Variants in HSPG2 observed in about 807,000 individuals in gnomAD.
HSPG2 encodes the protein basement membrane-specific heparan sulfate proteoglycan core protein.
HSPG2 carries 278 observed loss-of-function variants against 526.6 expected under a neutral mutation model. That is an observed-to-expected ratio of 0.53 (90% confidence interval 0.48 to 0.58). HSPG2 has a LOEUF of 0.58. Among genes scored for constraint, HSPG2 ranks in the 20% least tolerant of loss-of-function variants. HSPG2 has a pLI of 0.00. For synonymous variants in HSPG2, 2,465 were observed against 2,555.4 expected, an observed-to-expected ratio of 0.96 and a Z score of 1.07; for missense variants, 5,354 against 6,099.5, an observed-to-expected ratio of 0.88 and a Z score of 4.07.
intron 1 of HSPG2, among the ~76,000 whole-genome samples, chr1:21,916,240 G>A (rs1412133856): frequency 2.0e-5 from 3 of 152,004 alleles, no homozygotes; most frequent in African/African-American, 4.8e-5. Flanking sequence ...GGTGGCTCAC[G>A]CCTGTAATCC....
At chr1:21,832,379 G>A (rs559272303) in intron 81 of HSPG2, 116 bp downstream of exon 81, 144 of 857,556 alleles carry the variant, frequency 1.7e-4, no homozygotes, top group Non-Finnish European at 2.5e-4. Context: ...CAAGGGTAAC[G>A]GCCACATTTT....
rs548731627 is a variant in HSPG2 at position 21,838,942 on chromosome 1, C to T, written c.10033G>A (p.Ala3345Thr). The T allele has an allele frequency of 8.1e-6, 13 of 1,612,322 alleles. No homozygotes were observed. Among genetic ancestry groups the T allele is most frequent in the South Asian group, 2.2e-5 (2 of 91,044 alleles). Reference protein sequence around the residue: ...VGSSLPGRATARNELLHFERA... With the variant: ...VGSSLPGRATTRNELLHFERA... ...TCAAAGTGCAGCAGCTCGTTCCTGGCGGTCGCCCTCCCAGGAAGGCTGCTG... is the reference window on the plus strand; with the variant it reads ...TCAAAGTGCAGCAGCTCGTTCCTGGTGGTCGCCCTCCCAGGAAGGCTGCTG... The change falls in exon 74 of 97, where the codon GCC (alanine) becomes ACC (threonine). Residue 3345 changes from alanine to threonine, a missense_variant. Transcript: ENST00000374695.
At position 21,880,447 on chromosome 1, in the gene HSPG2, C is replaced by T. The variant is rs1371285782; in HGVS notation, c.2111G>A (p.Ser704Asn). ...IQTVYNTKMA[S>N]VGLSDIAMDT... Reference sequence around the variant, plus strand: ...CATGGCGATGTCGCTAAGTCCCACGCTGGCCATCTTGGTGTTGTACACGGT... The same window carrying T: ...CATGGCGATGTCGCTAAGTCCCACGTTGGCCATCTTGGTGTTGTACACGGT... The change falls in exon 16 of 97, where the codon AGC becomes AAC. Residue 704 changes from serine to asparagine, a missense_variant. Physicochemically the swap from Ser to Asn is conservative, Grantham distance 46. Transcript: ENST00000374695. 1 of 1,613,914 alleles carries T rather than the reference C, an allele frequency of 6.2e-7. No individual in the cohort carries two copies. The highest frequency in any genetic ancestry group is 2.2e-5 in the East Asian group (1 of 44,888).
At position 21,865,580 on chromosome 1, in the gene HSPG2, G is replaced by A. The variant is rs1003979370; in HGVS notation, c.4314+137C>T. On this transcript the variant is annotated intron_variant, in intron 34 of 96. Transcript: ENST00000374695. The surrounding 1 kb of genome is among the most constrained non-coding windows in gnomAD (Gnocchi z 5.4). ...GTAGTGTCCAACCAGGCAGGGATGT[G>A]GGGGCATGGGCCTAACTCCCCCAGC... 1.6e-5 allele frequency: 14 copies of A among 890,190 alleles called. No individual in the cohort carries two copies. Among genetic ancestry groups the A allele is most frequent in the Non-Finnish European group, 2.3e-5 (12 of 533,050 alleles). The allele number at this position is 890,190 out of a possible 1,614,324, so 55.1% of individuals were successfully genotyped here. A position where few individuals can be genotyped will look rare whatever the true frequency, so the allele number is the denominator to read the frequency against.
chr1:21,888,762 G>C (rs1161597758), intron 6 of HSPG2: 2 of 1,316,608 alleles, frequency 1.5e-6, no homozygotes, highest in Admixed American at 2.0e-5. Flanking sequence ...CCTGGGAGCC[G>C]GGAGCTGAGG....
chr1:21,889,627 G>A (rs899512969), intron 6 of HSPG2, among the ~76,000 whole-genome samples: 2 of 150,802 alleles, frequency 1.3e-5, no homozygotes, highest in South Asian at 2.1e-4. Context: ...AGACTGACCC[G>A]GAGGCTGGAA....
intron 39 of HSPG2, among the ~76,000 whole-genome samples, chr1:21,861,497 AAAG>A (rs201500196): frequency 0.014 from 683 of 48,036 alleles, no homozygotes; most frequent in Middle Eastern, 0.023. Flanking sequence ...AAAAAAAAAA[AAAG>A]AAAGAAAAAG....
At position 21,839,960 on chromosome 1, in the gene HSPG2, G is replaced by T. The variant is rs1258056816; in HGVS notation, c.9571C>A (p.Leu3191Ile). The T allele has an allele frequency of 6.2e-7, 1 of 1,614,044 alleles. No individual in the cohort carries two copies. Among genetic ancestry groups the T allele is most frequent in the African/African-American group, 1.3e-5 (1 of 74,926 alleles). ...TCCACCTGCTTCTGTGCTGTGCCTAGTGCATTCTGAGCAAGGCACACATAA... is the reference window on the plus strand; with the variant it reads ...TCCACCTGCTTCTGTGCTGTGCCTATTGCATTCTGAGCAAGGCACACATAA... ...GTYVCLAQNALGTAQKQVEVI... is the reference protein window; with the variant it reads ...GTYVCLAQNAIGTAQKQVEVI... The change falls in exon 72 of 97, where the codon CTA becomes ATA. Residue 3191 changes from leucine to isoleucine, a missense_variant. Coordinates refer to ENST00000374695, the MANE Select transcript of HSPG2 (RefSeq NM_005529.7). This position sits in a 1 kb window ranked among gnomAD's most constrained non-coding sequence, Gnocchi z 4.5.
intron 25 of HSPG2, 122 bp downstream of exon 25, chr1:21,875,505 TAC>T: frequency 1.3e-6 from 1 of 785,060 alleles, no homozygotes; most frequent in Non-Finnish European, 2.2e-6. Flanking sequence ...CTCTCCGTTT[TAC>T]AGACAGGGAA....
In HSPG2 at chr1:21,895,776, G is replaced by A. The variant is rs1642703742; in HGVS notation, c.244+146C>T. ...GACCTGCCAATCAGTCTGCACAACT[G>A]TCACTCAGCAGGTTAAGAGATCACA... On this transcript the variant is annotated intron_variant, in intron 3 of 96. Coordinates refer to ENST00000374695, the MANE Select transcript of HSPG2 (RefSeq NM_005529.7). This position sits in a 1 kb window ranked among gnomAD's most constrained non-coding sequence, Gnocchi z 4.1. 6.5e-6 allele frequency: 5 copies of A among 773,768 alleles called. No individual in the cohort carries two copies. 47.9% of individuals were successfully genotyped at this position (773,768 alleles called of 1,614,324 possible).
chr1:21,829,596 C>G lies in HSPG2; in HGVS notation c.11779G>C (p.Val3927Leu). The G allele has an allele frequency of 1.2e-6, 2 of 1,604,446 alleles. No homozygotes were observed. The highest frequency in any genetic ancestry group is 1.1e-5 in the South Asian group (1 of 90,658). ...SGLRCEEGVT[V>L]TTPSLSGAGS... is the part of the protein sequence containing the mutation. ...GCACCCGACAGCGAGGGGGTGGTCA[C>G]TGTCACACCTGCAGCAGCCACAGCT... The change falls in exon 87 of 97, where the codon GTG becomes CTG. Residue 3927 changes from valine to leucine, a missense_variant. Physicochemically the swap from Val to Leu is conservative, Grantham distance 32 (BLOSUM62 1). Coordinates refer to ENST00000374695, the MANE Select transcript of HSPG2 (RefSeq NM_005529.7).
Position 21,848,721 on chromosome 1 carries a change from G to A in HSPG2, c.7659C>T (p.Leu2553=). ...ASLANGHTLD[L]NCLVASQAPH... ...GAGCCTGGCTGGCAACCAGGCAGTTGAGGTCCAGGGTGTGTCCATTGGCCA... is the reference window on the plus strand; with the variant it reads ...GAGCCTGGCTGGCAACCAGGCAGTTAAGGTCCAGGGTGTGTCCATTGGCCA... Residue 2553 remains leucine, a synonymous_variant, in exon 59 of 97, where the codon CTC becomes CTT. Coordinates refer to ENST00000374695, the MANE Select transcript of HSPG2 (RefSeq NM_005529.7). This position sits in a 1 kb window ranked among gnomAD's most constrained non-coding sequence, Gnocchi z 4.9. 1.2e-6 allele frequency: 2 copies of A among 1,613,960 alleles called. No individual in the cohort carries two copies. The highest frequency in any genetic ancestry group is 1.7e-6 in the Non-Finnish European group (2 of 1,179,986).
intron 1 of HSPG2, among the ~76,000 whole-genome samples, chr1:21,934,515 T>A (rs970656760): frequency 2.0e-5 from 3 of 151,964 alleles, no homozygotes; most frequent in African/African-American, 7.3e-5. Context: ...ATGCCTGTCA[T>A]CCCAACACTT....
intron 1 of HSPG2, among the ~76,000 whole-genome samples, chr1:21,911,996 C>T (rs1572435029): frequency 6.6e-6 from 1 of 152,194 alleles, no homozygotes; most frequent in Admixed American, 6.5e-5. Flanking sequence ...TCAGAGGCAG[C>T]CTGGGAGGTG....
chr1:21,892,929 G>A (rs1462366352), intron 3 of HSPG2, among the ~76,000 whole-genome samples: 1 of 151,858 alleles, frequency 6.6e-6, no homozygotes, highest in African/African-American at 2.4e-5. Context: ...GGACACTGGT[G>A]CAGCCAGCAG....
intron 33 of HSPG2, among the ~76,000 whole-genome samples, chr1:21,866,493 T>G (rs2152738540): frequency 6.6e-6 from 1 of 152,300 alleles, no homozygotes; most frequent in South Asian, 2.1e-4. Flanking sequence ...GAAAGTCCCT[T>G]CTGCAGTCAG....
At chr1:21,929,840 T>C (rs972175489) in intron 1 of HSPG2, among the ~76,000 whole-genome samples, 11 of 152,040 alleles carry the variant, frequency 7.2e-5, no homozygotes, top group Admixed American at 3.3e-4. Context: ...ATCTTCAAAA[T>C]GTACTGGGGA....
Position 21,885,343 on chromosome 1 carries a change from T to G in HSPG2, c.1187A>C (p.Asp396Ala), listed in dbSNP as rs777592875. The G allele has an allele frequency of 5.6e-5, 90 of 1,613,844 alleles. No homozygotes were observed. Among genetic ancestry groups the G allele is most frequent in the Non-Finnish European group, 7.5e-5 (89 of 1,179,960 alleles). The change falls in exon 10 of 97, where the codon GAC becomes GCC. Residue 396 changes from aspartate (D) to alanine (A), a missense_variant. Coordinates refer to ENST00000374695, the MANE Select transcript of HSPG2 (RefSeq NM_005529.7). Reference protein sequence around the residue: ...FHCDEESDCPDRSDEFGCMPP... With the variant: ...FHCDEESDCPARSDEFGCMPP... Reference sequence around the variant, plus strand: ...ACTGCAGCCAAACTCGTCGCTCCGGTCAGGACAGTCGCTCTCCTCGTCACA... The same window carrying G: ...ACTGCAGCCAAACTCGTCGCTCCGGGCAGGACAGTCGCTCTCCTCGTCACA...
chr1:21,887,838 A>C lies in HSPG2; in HGVS notation c.703+100T>G. 6.3e-7 allele frequency: 1 copy of C among 1,593,920 alleles called. No individual in the cohort carries two copies. Among genetic ancestry groups the C allele is most frequent in the East Asian group, 2.2e-5 (1 of 44,684 alleles). On this transcript the variant is annotated intron_variant, in intron 7 of 96. Transcript: ENST00000374695. The surrounding 1 kb of genome is among the most constrained non-coding windows in gnomAD (Gnocchi z 5.0). ...TCCTATGCCCCCATCCTCTGCCTGCACCAAACCCTCATAGTCCTTGATGGG... is the reference window on the plus strand; with the variant it reads ...TCCTATGCCCCCATCCTCTGCCTGCCCCAAACCCTCATAGTCCTTGATGGG...
Sources: allele counts gnomAD v4.1 joint callset (sites outside exome capture counted in the v4.1 genomes callset), GRCh38; gene constraint gnomAD v4.1.1; non-coding constraint Gnocchi (gnomAD v3.1); transcripts MANE v1.5; gene names NCBI Gene and HGNC (gene_info 2026-07-23, HGNC 2026-07-21).